RGS7: variants seen among roughly 807,000 people sequenced by gnomAD.
The protein encoded by RGS7 is regulator of G protein signaling 7.
A neutral mutation model predicts 81.1 loss-of-function variants in RGS7; 27 were observed. The observed-to-expected ratio is 0.33, with a 90% CI of 0.25 to 0.46. The LOEUF (loss-of-function observed/expected upper bound fraction) is 0.46, where lower values mean the gene tolerates loss of function less well. RGS7 is among the 20% of genes least tolerant of loss of function. The pLI is 1.00. For synonymous variants in RGS7, 208 were observed against 207.7 expected, an observed-to-expected ratio of 1.00 and a Z score of -0.01; for missense variants, 396 against 607.4, an observed-to-expected ratio of 0.65 and a Z score of 3.66.
At chr1:240,872,849 T>G (rs1379786109) in intron 6 of RGS7, among the ~76,000 whole-genome samples, 2 of 152,010 alleles carry the variant, frequency 1.3e-5, no homozygotes, top group Non-Finnish European at 2.9e-5. Flanking sequence ...GAGGCCGAGA[T>G]GGGTGGATCA....
At chr1:240,838,681 G>T (rs1258253030) in intron 9 of RGS7, among the ~76,000 whole-genome samples, 4 of 151,962 alleles carry the variant, frequency 2.6e-5, no homozygotes, top group Non-Finnish European at 4.4e-5. Context: ...ATGCATCCTC[G>T]CATTCTTACT....
rs116167274 is a variant in RGS7 at position 241,141,704 on chromosome 1, C to T, written c.79-42942G>A. Reference sequence around the variant, plus strand: ...ACCTCCCATAGGGTCCCTCACACCACGTGGGAATTATGGGAACTACAATTC... The same window carrying T: ...ACCTCCCATAGGGTCCCTCACACCATGTGGGAATTATGGGAACTACAATTC... On this transcript the variant is annotated intron_variant, in intron 2 of 18. Coordinates refer to ENST00000440928, the MANE Select transcript of RGS7 (RefSeq NM_001364886.1). 3.2e-3 allele frequency among the ~76,000 whole-genome samples: 485 copies of T among 152,246 alleles called. 6 individuals carry two copies. The highest frequency in any genetic ancestry group is 0.01 in the African/African-American group (431 of 41,540).
At chr1:240,817,688 C>T (rs775486304) in intron 10 of RGS7, among the ~76,000 whole-genome samples, 5 of 152,092 alleles carry the variant, frequency 3.3e-5, no homozygotes, top group African/African-American at 1.2e-4. Flanking sequence ...CCGCAACCTC[C>T]GTCTCCTGGG....
chr1:240,787,649 T>A (rs73115500), intron 18 of RGS7, among the ~76,000 whole-genome samples: 1 of 152,118 alleles, frequency 6.6e-6, no homozygotes, highest in Non-Finnish European at 1.5e-5. Flanking sequence ...TAACCTTGGT[T>A]TAAAGACTGA....
At chr1:241,160,675 A>G (rs893012422) in intron 2 of RGS7, among the ~76,000 whole-genome samples, 2 of 152,228 alleles carry the variant, frequency 1.3e-5, no homozygotes, top group Non-Finnish European at 2.9e-5. Context: ...CCCTTCACAT[A>G]ACAACTGTTT....
chr1:241,132,884 T>C (rs1490591614), intron 2 of RGS7, among the ~76,000 whole-genome samples: 1 of 152,062 alleles, frequency 6.6e-6, no homozygotes, highest in Non-Finnish European at 1.5e-5. Context: ...TGCCTCAGCC[T>C]CCCAAGTAGC....
intron 9 of RGS7, among the ~76,000 whole-genome samples, chr1:240,858,705 A>C (rs984896224): frequency 1.3e-5 from 2 of 152,186 alleles, no homozygotes; most frequent in African/African-American, 2.4e-5. Flanking sequence ...AAAGATTTTA[A>C]TTTTAATGAA....
intron 2 of RGS7, among the ~76,000 whole-genome samples, chr1:241,166,088 G>C (rs1475599355): frequency 1.3e-5 from 2 of 152,186 alleles, no homozygotes; most frequent in African/African-American, 2.4e-5. Context: ...AGAACATCTG[G>C]GGGTGGGGAA....
At chr1:240,914,375 C>T (rs954336745) in intron 6 of RGS7, among the ~76,000 whole-genome samples, 3 of 152,264 alleles carry the variant, frequency 2.0e-5, no homozygotes, top group Non-Finnish European at 4.4e-5. Flanking sequence ...CCAGGTTTCT[C>T]TCCTTTTCTG....
chr1:240,813,818 A>T, intron 12 of RGS7, 90 bp from the exon 13 acceptor site: 1 of 813,748 alleles, frequency 1.2e-6, no homozygotes, highest in Non-Finnish European at 2.1e-6. Flanking sequence ...AAAATGTGGG[A>T]CCAAGGAATC....
chr1:240,929,316 C>T (rs538655017), intron 6 of RGS7, among the ~76,000 whole-genome samples: 2 of 152,258 alleles, frequency 1.3e-5, no homozygotes, highest in East Asian at 3.9e-4. Context: ...GAAAGTTCTC[C>T]AACTCAAATC....
intron 6 of RGS7, among the ~76,000 whole-genome samples, chr1:240,893,473 T>C (rs889623842): frequency 1.3e-5 from 2 of 152,186 alleles, no homozygotes; most frequent in African/African-American, 4.8e-5. Flanking sequence ...ATTTCTCCCA[T>C]AGTATTTAAA....
intron 9 of RGS7, among the ~76,000 whole-genome samples, chr1:240,839,868 A>G (rs1299487024): frequency 6.6e-6 from 1 of 152,106 alleles, no homozygotes; most frequent in African/African-American, 2.4e-5. Context: ...CCTTTCAGTG[A>G]GTGCCTCCAA....
At chr1:241,301,367 G>T (rs531480913) in intron 2 of RGS7, among the ~76,000 whole-genome samples, 1 of 152,206 alleles carries the variant, frequency 6.6e-6, no homozygotes, top group Admixed American at 6.5e-5. Context: ...TCCCTGCTTA[G>T]GTCATGACAC....
chr1:241,165,688 A>G (rs1284162119), intron 2 of RGS7, among the ~76,000 whole-genome samples: 1 of 151,348 alleles, frequency 6.6e-6, no homozygotes, highest in Non-Finnish European at 1.5e-5. Flanking sequence ...CTAGATGACG[A>G]GTTAGTGGGT....
chr1:240,803,715 A>G (rs1395093986), intron 15 of RGS7, among the ~76,000 whole-genome samples: 2 of 152,104 alleles, frequency 1.3e-5, no homozygotes, highest in East Asian at 3.9e-4. Flanking sequence ...TCTAGACCCA[A>G]TCTAGGGAGG....
Position 241,224,985 on chromosome 1 carries a change from G to GT in RGS7, c.79-126224dup, listed in dbSNP as rs201329920. Among the ~76,000 whole-genome samples, 107 of 149,034 alleles carry GT rather than the reference G, an allele frequency of 7.2e-4. 1 individual carries two copies. The highest frequency in any genetic ancestry group is 1.9e-3 in the African/African-American group (76 of 40,644). On this transcript the variant is annotated intron_variant, in intron 2 of 18. Transcript: ENST00000440928. ...AGGGATAATGTACAAGGAAAAATGT[G>GT]TTTTTTTTTTCTTTTAAAAAAATTT...
chr1:241,039,726 A>G (rs1456084862), intron 3 of RGS7, among the ~76,000 whole-genome samples: 1 of 152,140 alleles, frequency 6.6e-6, no homozygotes, highest in African/African-American at 2.4e-5. Context: ...ACGATTCTCC[A>G]TGCTCTTTCC....
rs2076119759 is a variant in RGS7, at chr1:241,238,918, C to T, written c.78+116781G>A. ...TATAAAACATTTAAAAATTTTCCTT[C>T]AATATTTAATTGGCCAATGAGTCTC... On this transcript the variant is annotated intron_variant, in intron 2 of 18. Coordinates refer to ENST00000440928, the MANE Select transcript of RGS7 (RefSeq NM_001364886.1). Among the ~76,000 whole-genome samples, 4 of 149,210 alleles carry T rather than the reference C, an allele frequency of 2.7e-5. No individual in the cohort carries two copies. The South Asian group carries it at 8.5e-4, about 32-fold the overall frequency.
Sources: allele counts gnomAD v4.1 joint callset (sites outside exome capture counted in the v4.1 genomes callset), GRCh38; gene constraint gnomAD v4.1.1; transcripts MANE v1.5; gene names NCBI Gene and HGNC (gene_info 2026-07-23, HGNC 2026-07-21).